The following HPS4 variants were observed in gnomAD, a reference collection of about 807,000 sequenced individuals.
HPS4 encodes the protein BLOC-3 complex member HPS4.
Under a neutral mutation model 70.3 loss-of-function variants are expected in HPS4, and 44 were observed. The ratio of observed to expected loss-of-function variants is 0.63; its 90% confidence interval spans 0.49 to 0.80. HPS4 has a LOEUF of 0.80. Among genes scored for constraint, HPS4 ranks in the 30% least tolerant of loss-of-function variants. The pLI is 0.00. For missense variants in HPS4, 873 were observed against 884.4 expected (o/e 0.99, Z 0.16); for synonymous variants, 377 against 355.9 (o/e 1.06, Z -0.67).
chr22:26,481,951 T>A lies in HPS4; in HGVS notation c.-189A>T. ...GCATGGAAAGTTCCACTTCCCTTCCTTGCAGGTTCTTCAGTTTCATGTATA... is the reference window on the plus strand; with the variant it reads ...GCATGGAAAGTTCCACTTCCCTTCCATGCAGGTTCTTCAGTTTCATGTATA... On this transcript the variant is annotated 5_prime_UTR_variant, in exon 2 of 14. The change creates a new upstream start codon in the 5' untranslated region. Transcript: ENST00000398145. 2 of 631,288 alleles carry A rather than the reference T, an allele frequency of 3.2e-6. No individual in the cohort carries two copies. The highest frequency in any genetic ancestry group is 5.8e-6 in the Non-Finnish European group (2 of 347,030). 39.1% of individuals were successfully genotyped at this position (631,288 alleles called of 1,614,324 possible).
At chr22:26,445,153 T>C (rs1022124580) in intron 3 of HPS4, 2 of 152,370 alleles carry the variant, frequency 1.3e-5, no homozygotes, top group African/African-American at 2.4e-5. Context: ...CTGAGTAATA[T>C]AGTGAGGCGT....
intron 4 of HPS4, among the ~76,000 whole-genome samples, chr22:26,473,939 C>T (rs571643765): frequency 3.3e-5 from 5 of 152,316 alleles, no homozygotes; most frequent in African/African-American, 4.8e-5. Flanking sequence ...TACAGTAGCA[C>T]AAGGATCTTT....
intron 8 of HPS4, chr22:26,467,861 A>C (rs1464699457): frequency 6.6e-6 from 1 of 152,192 alleles, no homozygotes; most frequent in East Asian, 1.9e-4. Flanking sequence ...TAAATATAAA[A>C]TGGAAGTATT....
In HPS4 at chr22:26,479,346, A is replaced by G. The variant is rs781088233; in HGVS notation, c.51T>C (p.Tyr17=). The G allele has an allele frequency of 1.2e-6, 2 of 1,614,160 alleles. No homozygotes were observed. Among genetic ancestry groups the G allele is most frequent in the South Asian group, 2.2e-5 (2 of 91,062 alleles). Residue 17 remains tyrosine (Y), a synonymous_variant, in exon 3 of 14, where the codon TAT becomes TAC. Coordinates refer to ENST00000398145, the MANE Select transcript of HPS4 (RefSeq NM_022081.6). Reference sequence around the variant, plus strand: ...CCTTGGAACCATCATAAAGAAAAAAATAATTCCACCTGGCAAGAGAACAGA... The same window carrying G: ...CCTTGGAACCATCATAAAGAAAAAAGTAATTCCACCTGGCAAGAGAACAGA... ...TEAKSASWWN[Y]FFLYDGSKVK... is the part of the protein sequence containing the mutation.
chr22:26,477,744 T>A (rs373130558), intron 3 of HPS4, among the ~76,000 whole-genome samples: 6 of 152,100 alleles, frequency 3.9e-5, no homozygotes, highest in African/African-American at 1.4e-4. Flanking sequence ...TTACTACTAA[T>A]GTAAAGGAAA....
chr22:26,470,345 G>A (rs2089580303), intron 7 of HPS4, among the ~76,000 whole-genome samples: 1 of 152,234 alleles, frequency 6.6e-6, no homozygotes, highest in South Asian at 2.1e-4. Flanking sequence ...CAGGGTCTCT[G>A]GGCAGCAGGA....
rs764663345 is a variant in HPS4, at chr22:26,464,769, A to G, written c.861T>C (p.Gly287=). 9 of 1,585,032 alleles carry G rather than the reference A, an allele frequency of 5.7e-6. No homozygotes were observed. In the African/African-American group the frequency reaches 1.1e-4, roughly 19 times the overall value. Residue 287 remains glycine, a synonymous_variant, in exon 11 of 14, where the codon GGT becomes GGC. Transcript: ENST00000398145. ...TTTCTTTCAGGGCAGATGTGCTCCC[A>G]CCCTTTGGATGGTGCTGGGCTGAAC... The part of the protein sequence containing the change: ...QDGSAQHHPK[G]GSTSALKENA...
intron 13 of HPS4, among the ~76,000 whole-genome samples, chr22:26,454,959 C>T (rs2085835668): frequency 6.6e-6 from 1 of 152,132 alleles, no homozygotes; most frequent in African/African-American, 2.4e-5. Context: ...GACATTTATG[C>T]AGCCAAAAAA....
In HPS4 at chr22:26,451,793, CAGATGGG is replaced by C. The variant is rs2085216654; in HGVS notation, c.*1433_*1439del. 6.6e-6 allele frequency: 1 copy of C among 152,598 alleles called. No homozygotes were observed. Among genetic ancestry groups the C allele is most frequent in the South Asian group, 2.1e-4 (1 of 4,862 alleles). The allele number at this position is 152,598 out of a possible 1,614,324, so 9.5% of individuals were successfully genotyped here. A position where few individuals can be genotyped will look rare whatever the true frequency, so the allele number is the denominator to read the frequency against. On this transcript the variant is annotated 3_prime_UTR_variant, in exon 14 of 14. Coordinates refer to ENST00000398145, the MANE Select transcript of HPS4 (RefSeq NM_022081.6). Reference sequence around the variant, plus strand: ...CGGATAGGATCCTCTTCCATCTAGGCAGATGGGATCCAAGAGACAGCAGAGATCCTGG... The same window carrying C: ...CGGATAGGATCCTCTTCCATCTAGGCATCCAAGAGACAGCAGAGATCCTGG...
intron 9 of HPS4, chr22:26,465,796 G>C: frequency 1.7e-6 from 1 of 575,654 alleles, no homozygotes; most frequent in Non-Finnish European, 3.1e-6. Flanking sequence ...GGGAGAGAAA[G>C]GTTGAAAAGC....
intron 2 of HPS4, 21 bp from the exon 3 acceptor site, chr22:26,479,376 A>G: frequency 1.2e-6 from 2 of 1,613,098 alleles, no homozygotes; most frequent in Non-Finnish European, 1.7e-6. Context: ...AACAGAGTGG[A>G]GCCATGTTTC....
intron 8 of HPS4, chr22:26,466,505 A>C: frequency 1.7e-6 from 1 of 602,728 alleles, no homozygotes; most frequent in South Asian, 1.9e-5. Flanking sequence ...CTCCACCCAA[A>C]CTCACATCAC....
chr22:26,445,868 CTG>C (rs1439519050), intron 3 of HPS4, among the ~76,000 whole-genome samples: 1 of 152,190 alleles, frequency 6.6e-6, no homozygotes, highest in Non-Finnish European at 1.5e-5. Context: ...CCCTCAGTAG[CTG>C]TGTTTTTCAT....
chr22:26,478,294 C>T (rs905779146), intron 3 of HPS4, among the ~76,000 whole-genome samples: 6 of 151,932 alleles, frequency 3.9e-5, no homozygotes, highest in Admixed American at 3.3e-4. Flanking sequence ...AAAGTATTGC[C>T]GGGCGTGGTG....
At chr22:26,476,231 T>C (rs1278163772) in intron 4 of HPS4, 2 of 152,170 alleles carry the variant, frequency 1.3e-5, no homozygotes, top group Non-Finnish European at 2.9e-5. Context: ...ACCTACAAAG[T>C]TGAATATAGC....
At chr22:26,458,161 T>G (rs2086526567) in intron 12 of HPS4, among the ~76,000 whole-genome samples, 194 bp from the exon 13 acceptor site, 1 of 152,254 alleles carries the variant, frequency 6.6e-6, no homozygotes, top group Non-Finnish European at 1.5e-5. Flanking sequence ...GGTTTCTGCG[T>G]GTGGATCTCA....
rs386395106 is a variant in HPS4, at chr22:26,457,210, C to CCTTTTTTTTTTTTTT, written c.1955+648_1955+649insAAAAAAAAAAAAAAG. Among the ~76,000 whole-genome samples the CCTTTTTTTTTTTTTT allele has an allele frequency of 3.1e-4, 8 of 25,554 alleles. 3 individuals are homozygous for CCTTTTTTTTTTTTTT. The highest frequency in any genetic ancestry group is 3.9e-4 in the Non-Finnish European group (3 of 7,608). The allele number at this position is 25,554 out of a possible 152,430, so 16.8% of individuals were successfully genotyped here. On this transcript the variant is annotated intron_variant, in intron 13 of 13. Transcript: ENST00000398145. ...ATGACTGTATGATCAGCACGTATTA[C>CCTTTTTTTTTTTTTT]TTTTTTTTTTTTTTTTTTTTTTCTG...
At chr22:26,454,298 GCATGGATCTGGAGT>G (rs1302956417) in intron 13 of HPS4, among the ~76,000 whole-genome samples, 1 of 152,228 alleles carries the variant, frequency 6.6e-6, no homozygotes, top group Non-Finnish European at 1.5e-5. Context: ...ATGGTTATGA[GCATGGATCTGGAGT>G]CACACACACT....
exon 4 of HPS4, chr22:26,444,503 G>C (rs1317845781): frequency 6.6e-6 from 1 of 152,228 alleles, no homozygotes; most frequent in Non-Finnish European, 1.5e-5. Context: ...ACTCACTCTA[G>C]AAATAGCCTG....
Sources: gnomAD v4.1 joint callset for allele counts (sites outside exome capture counted in the v4.1 genomes callset) on GRCh38, gnomAD v4.1.1 for gene constraint, MANE v1.5 for transcripts, NCBI Gene and HGNC (gene_info 2026-07-23, HGNC 2026-07-21) for gene names.